Variants in ATP6V0A4 observed in about 807,000 individuals in gnomAD.
The protein encoded by ATP6V0A4 is V-type proton ATPase 116 kDa subunit a 4.
In ATP6V0A4, 86 loss-of-function variants were observed where a neutral mutation model predicts 107.3. The ratio of observed to expected loss-of-function variants is 0.80; its 90% confidence interval spans 0.67 to 0.96. The LOEUF is 0.96. Among genes scored for constraint, ATP6V0A4 ranks in the 40% least tolerant of loss-of-function variants. ATP6V0A4 has a pLI of 0.00. For missense variants in ATP6V0A4, 908 were observed against 1,045.6 expected (o/e 0.87, Z 1.81); for synonymous variants, 353 against 381.4 (o/e 0.93, Z 0.87).
At chr7:138,782,513 G>A (rs1807969318) in intron 2 of ATP6V0A4, among the ~76,000 whole-genome samples, 1 of 152,210 alleles carries the variant, frequency 6.6e-6, no homozygotes, top group Admixed American at 6.5e-5. Flanking sequence ...ATGAGGGAGA[G>A]GCAGTGGAGG....
rs763684655 is a variant in ATP6V0A4, at chr7:138,747,440, C to T, written c.1305G>A (p.Gln435=). The change falls in exon 13 of 22, where the codon CAG becomes CAA. Residue 435 remains glutamine (Q), a synonymous_variant. Coordinates refer to ENST00000310018, the MANE Select transcript of ATP6V0A4 (RefSeq NM_020632.3). ...MILNERRLLS[Q]KTDNEIWNTF... is the part of the protein sequence containing the mutation. ...GGACACTCACCTCATTGTCTGTCTT[C>T]TGGGAGAGCAAGCGTCTCTCATTCA... The T allele has an allele frequency of 1.1e-5, 18 of 1,614,062 alleles. No homozygotes were observed. The Admixed American group carries it at 2.8e-4, about 25-fold the overall frequency.
intron 15 of ATP6V0A4, among the ~76,000 whole-genome samples, chr7:138,738,443 G>A (rs1350184421): frequency 6.6e-6 from 1 of 152,136 alleles, no homozygotes; most frequent in Non-Finnish European, 1.5e-5. Flanking sequence ...AGATCAACCA[G>A]ACCCTAAGAT....
chr7:138,742,900 C>CTAAAAA, intron 14 of ATP6V0A4, among the ~76,000 whole-genome samples: 1 of 131,664 alleles, frequency 7.6e-6, no homozygotes, highest in East Asian at 2.3e-4. Context: ...AATTGCAAAG[C>CTAAAAA]AAAAAAAAAA....
At chr7:138,785,049 CAGG>C (rs1391703652) in intron 2 of ATP6V0A4, among the ~76,000 whole-genome samples, 1 of 152,136 alleles carries the variant, frequency 6.6e-6, no homozygotes, top group East Asian at 1.9e-4. Context: ...GATCAATTTA[CAGG>C]AGGAGATCAT....
At chr7:138,787,908 A>T (rs899972802) in intron 1 of ATP6V0A4, among the ~76,000 whole-genome samples, 9 of 152,144 alleles carry the variant, frequency 5.9e-5, no homozygotes. Context: ...CTGAGGCAGG[A>T]GGATGGCTTG....
chr7:138,715,125 G>A (rs902627342), intron 20 of ATP6V0A4, among the ~76,000 whole-genome samples: 1 of 152,216 alleles, frequency 6.6e-6, no homozygotes. Flanking sequence ...TGCAGCAGGA[G>A]CACGGCTGCC....
intron 21 of ATP6V0A4, among the ~76,000 whole-genome samples, chr7:138,708,437 G>A (rs1372199017): frequency 6.6e-6 from 1 of 152,130 alleles, no homozygotes; most frequent in African/African-American, 2.4e-5. Flanking sequence ...GGATGCTGTG[G>A]CTCTCCTCAC....
Position 138,709,737 on chromosome 7 carries a change from C to G in ATP6V0A4, c.2316G>C (p.Trp772Cys). Residue 772 changes from tryptophan to cysteine, a missense_variant, in exon 21 of 22, where the codon TGG becomes TGC. Trp to Cys is a radical substitution (Grantham distance 215). Transcript: ENST00000310018. The stretch of plus-strand genomic sequence containing the variant: ...TAATAAAAACCCCGACGATTCCTCC[C>G]CAGCCTCGCGTCTGAAGGCCGCTGT... ...VMNSGLQTRGWGGIVGVFIIF... is the reference protein window; with the variant it reads ...VMNSGLQTRGCGGIVGVFIIF... The G allele has an allele frequency of 6.2e-7, 1 of 1,614,072 alleles. No individual in the cohort carries two copies. Among genetic ancestry groups the G allele is most frequent in the Non-Finnish European group, 8.5e-7 (1 of 1,179,988 alleles).
rs145809731 is a variant in ATP6V0A4 at position 138,715,763 on chromosome 7, C to A, written c.2257+1G>T. 1 of 1,613,460 alleles carries A rather than the reference C, an allele frequency of 6.2e-7. No homozygotes were observed. Among genetic ancestry groups the A allele is most frequent in the Admixed American group, 1.7e-5 (1 of 60,002 alleles). ...GTCCCCCCGATGGGCTGCTCACTCA[C>A]GTGCATGAGCCAGGCTGAGGGCCCA... On this transcript the variant is annotated splice_donor_variant, in intron 20 of 21. Transcript: ENST00000310018. LOFTEE classifies it high-confidence loss of function.
intron 2 of ATP6V0A4, among the ~76,000 whole-genome samples, chr7:138,772,074 C>A (rs559182469): frequency 6.6e-6 from 1 of 152,294 alleles, no homozygotes; most frequent in Admixed American, 6.5e-5. Context: ...TTTCCCTAGT[C>A]AGGAAAAATA....
chr7:138,722,949 T>C (rs1371851204), intron 18 of ATP6V0A4, among the ~76,000 whole-genome samples: 2 of 142,966 alleles, frequency 1.4e-5, no homozygotes, highest in Admixed American at 7.1e-5. Flanking sequence ...TCCCAGCTAC[T>C]CGGGAGGCTG....
intron 2 of ATP6V0A4, among the ~76,000 whole-genome samples, chr7:138,774,308 G>A (rs1054253752): frequency 4.6e-5 from 7 of 151,378 alleles, no homozygotes; most frequent in African/African-American, 9.8e-5. Flanking sequence ...GCCGGGCGCC[G>A]TGGCTCACGC....
chr7:138,739,653 G>A lies in ATP6V0A4; in HGVS notation c.1479-20C>T. 6.2e-7 allele frequency: 1 copy of A among 1,613,694 alleles called. No homozygotes were observed. Among genetic ancestry groups the A allele is most frequent in the Non-Finnish European group, 8.5e-7 (1 of 1,179,922 alleles). On this transcript the variant is annotated intron_variant, in intron 14 of 21. Coordinates refer to ENST00000310018, the MANE Select transcript of ATP6V0A4 (RefSeq NM_020632.3). ...TGAGTACTTTAGAGGGAGAAAAGGA[G>A]AAAAACAAACAATGATCAACCGGGG... is the stretch of plus-strand genomic sequence containing the variant.
intron 8 of ATP6V0A4, 36 bp from the exon 9 acceptor site, chr7:138,756,576 G>T: frequency 6.3e-7 from 1 of 1,599,024 alleles, no homozygotes. Context: ...AAAAGGGGGG[G>T]GTTTCTTTCT....
intron 1 of ATP6V0A4, among the ~76,000 whole-genome samples, chr7:138,792,895 T>TGGGA: frequency 6.6e-6 from 1 of 150,934 alleles, no homozygotes; most frequent in South Asian, 2.1e-4. Flanking sequence ...AAGTTGAAAG[T>TGGGA]AATATGATGG....
At chr7:138,730,931 CTTTTTTTAT>C (rs1432851608) in intron 17 of ATP6V0A4, among the ~76,000 whole-genome samples, 3,963 of 123,756 alleles carry the variant, frequency 0.032, 232 homozygotes, top group African/African-American at 0.11. Flanking sequence ...TCTTCTTCTT[CTTTTTTTAT>C]TTTTTTTTTT....
chr7:138,781,869 G>A, intron 2 of ATP6V0A4, among the ~76,000 whole-genome samples: 1 of 141,658 alleles, frequency 7.1e-6, no homozygotes, highest in Non-Finnish European at 1.5e-5. Flanking sequence ...GTAGAGTTTG[G>A]GTCTCACAGT....
chr7:138,793,618 T>C (rs1808525226), intron 1 of ATP6V0A4, among the ~76,000 whole-genome samples: 1 of 152,190 alleles, frequency 6.6e-6, no homozygotes, highest in Non-Finnish European at 1.5e-5. Flanking sequence ...ATTGGTCATA[T>C]GGTGTCTTTT....
chr7:138,751,063 T>C (rs997576635), intron 11 of ATP6V0A4, among the ~76,000 whole-genome samples: 8 of 152,040 alleles, frequency 5.3e-5, no homozygotes, highest in African/African-American at 1.9e-4. Context: ...GAGGGTTTCT[T>C]CAGATAACAC....
Sources: allele counts gnomAD v4.1 joint callset (sites outside exome capture counted in the v4.1 genomes callset), GRCh38; gene constraint gnomAD v4.1.1; transcripts MANE v1.5; gene names NCBI Gene and HGNC (gene_info 2026-07-23, HGNC 2026-07-21).